MUSK: variants seen among roughly 807,000 people sequenced by gnomAD.
The protein encoded by MUSK is muscle associated receptor tyrosine kinase, also known as muscle, skeletal receptor tyrosine-protein kinase.
In MUSK, 55 loss-of-function variants were observed where a neutral mutation model predicts 88.7. That is an observed-to-expected ratio of 0.62 (90% CI 0.50 to 0.78). The LOEUF (loss-of-function observed/expected upper bound fraction) is 0.78. MUSK is among the 30% of genes least tolerant of loss of function. The pLI is 0.00. For synonymous variants in MUSK, 387 were observed against 391.9 expected (o/e 0.99, Z 0.15); for missense variants, 1,015 against 1,074.3 (o/e 0.94, Z 0.77).
chr9:110,697,251 G>T, intron 4 of MUSK, 74 bp from the exon 5 acceptor site: 1 of 1,489,070 alleles, frequency 6.7e-7, no homozygotes, highest in Non-Finnish European at 9.3e-7. Flanking sequence ...ATGACAATAA[G>T]TTGATGATAT....
intron 14 of MUSK, chr9:110,788,203 T>A (rs2077907742): frequency 5.0e-6 from 1 of 200,578 alleles, no homozygotes; most frequent in Non-Finnish European, 1.0e-5. Context: ...CTAACTAGAA[T>A]GTCATGAGCA....
intron 7 of MUSK, among the ~76,000 whole-genome samples, chr9:110,757,381 C>A (rs1260015365): frequency 6.6e-6 from 1 of 151,262 alleles, no homozygotes; most frequent in African/African-American, 2.4e-5. Flanking sequence ...ATCGCTTGAA[C>A]CTGGGAGGCA....
intron 5 of MUSK, among the ~76,000 whole-genome samples, chr9:110,731,027 T>C (rs1587966271): frequency 6.6e-6 from 1 of 152,018 alleles, no homozygotes; most frequent in Admixed American, 6.6e-5. Flanking sequence ...CAGAATAGGA[T>C]TGAGATACAC....
rs536529195 is a variant in MUSK at position 110,776,660 on chromosome 9, G to A, written c.1384+5G>A. On this transcript the variant is annotated splice_donor_5th_base_variant and intron_variant, in intron 11 of 14. Coordinates refer to ENST00000374448, the MANE Select transcript of MUSK (RefSeq NM_005592.4). ...ATAACAAAGAAAACCTAAAAAGTAAGTAATTGTGTTTGTGCCCTTGAAACC... is the reference window on the plus strand; with the variant it reads ...ATAACAAAGAAAACCTAAAAAGTAAATAATTGTGTTTGTGCCCTTGAAACC... 5.6e-6 allele frequency: 9 copies of A among 1,595,616 alleles called. No individual in the cohort carries two copies. Among genetic ancestry groups the A allele is most frequent in the African/African-American group, 2.7e-5 (2 of 74,278 alleles).
At position 110,694,637 on chromosome 9, in the gene MUSK, C is replaced by T. The variant is rs114647912; in HGVS notation, c.359-766C>T. ...GCGAAGTCCCCCTCTGTATCTGTAA[C>T]GTAAAATTCCTAAGGACATAAATGT... On this transcript the variant is annotated intron_variant, in intron 3 of 14. Coordinates refer to ENST00000374448, the MANE Select transcript of MUSK (RefSeq NM_005592.4). Among the ~76,000 whole-genome samples the T allele has an allele frequency of 9.0e-3, 1,373 of 152,170 alleles. 22 individuals are homozygous for T. Among genetic ancestry groups the T allele is most frequent in the African/African-American group, 0.032 (1,312 of 41,534 alleles).
At chr9:110,770,736 G>T (rs2077561425) in intron 9 of MUSK, among the ~76,000 whole-genome samples, 2 of 118,868 alleles carry the variant, frequency 1.7e-5, no homozygotes, top group Middle Eastern at 4.8e-3. Flanking sequence ...AAAATTTGAT[G>T]ATTTCTTTCT....
chr9:110,677,286 T>A (rs73536272), intron 1 of MUSK, among the ~76,000 whole-genome samples: 3,461 of 152,326 alleles, frequency 0.023, 131 homozygotes, highest in African/African-American at 0.079. Context: ...AGTTTCCACT[T>A]CCTTATCACA....
chr9:110,703,172 A>T (rs2076553941), intron 5 of MUSK, among the ~76,000 whole-genome samples: 1 of 152,166 alleles, frequency 6.6e-6, no homozygotes, highest in Non-Finnish European at 1.5e-5. Flanking sequence ...TTAACCACAT[A>T]ACATCATAGA....
chr9:110,685,421 T>C (rs1032814267), intron 2 of MUSK, among the ~76,000 whole-genome samples: 1 of 152,124 alleles, frequency 6.6e-6, no homozygotes, highest in Non-Finnish European at 1.5e-5. Context: ...TGGTTCCTTT[T>C]TTGCTTAGCA....
intron 5 of MUSK, among the ~76,000 whole-genome samples, chr9:110,707,037 A>AAG (rs139192477): frequency 0.38 from 56,465 of 148,094 alleles, 10,952 homozygotes; most frequent in Non-Finnish European, 0.43. Flanking sequence ...GAAACAAATA[A>AAG]AGAGAGAGAG....
rs1261248397 is a variant in MUSK, at chr9:110,672,064, A to G, written c.79+3081A>G. ...CACAGCTGTCATTGAAATCCAGGAC[A>G]CACAGTCCTGGATGAATATTTTATA... On this transcript the variant is annotated intron_variant, in intron 1 of 14. Transcript: ENST00000374448. Among the ~76,000 whole-genome samples, 4 of 152,228 alleles carry G rather than the reference A, an allele frequency of 2.6e-5. No homozygotes were observed. In the East Asian group the frequency reaches 5.8e-4, roughly 22 times the overall value.
chr9:110,761,898 G>T, intron 7 of MUSK: 4 of 985,262 alleles, frequency 4.1e-6, no homozygotes, highest in Non-Finnish European at 4.8e-6. Context: ...TTAATGTAAA[G>T]TCCCTGGGTA....
chr9:110,791,131 C>T (rs1393544185), intron 14 of MUSK, among the ~76,000 whole-genome samples: 1 of 152,020 alleles, frequency 6.6e-6, no homozygotes, highest in Admixed American at 6.5e-5. Flanking sequence ...ATAGGAACAG[C>T]TCCGGTCTAC....
chr9:110,675,030 T>TCCATGTGGA (rs893978801), intron 1 of MUSK, among the ~76,000 whole-genome samples: 7 of 152,148 alleles, frequency 4.6e-5, no homozygotes. Flanking sequence ...TGCACAGTGC[T>TCCATGTGGA]CCATGTGGAC....
intron 8 of MUSK, among the ~76,000 whole-genome samples, chr9:110,762,726 C>G (rs1428114167): frequency 6.6e-6 from 1 of 152,148 alleles, no homozygotes; most frequent in African/African-American, 2.4e-5. Flanking sequence ...TGCAATATAA[C>G]CTTTTGCAAC....
At chr9:110,686,852 A>G (rs182019182) in intron 2 of MUSK, among the ~76,000 whole-genome samples, 1 of 152,304 alleles carries the variant, frequency 6.6e-6, no homozygotes, top group East Asian at 1.9e-4. Flanking sequence ...AGTAAACTTT[A>G]CATTTTGTCT....
At chr9:110,692,379 C>T (rs188761445) in intron 3 of MUSK, among the ~76,000 whole-genome samples, 1 of 152,038 alleles carries the variant, frequency 6.6e-6, no homozygotes, top group East Asian at 1.9e-4. Context: ...CAGTGTGTTG[C>T]ACATACTGAG....
At chr9:110,750,999 A>G (rs989906221) in intron 7 of MUSK, among the ~76,000 whole-genome samples, 9 of 152,040 alleles carry the variant, frequency 5.9e-5, no homozygotes, top group Non-Finnish European at 1.0e-4. Flanking sequence ...ATCTCCCCCA[A>G]CCTTCAGTGC....
chr9:110,736,030 A>T lies in MUSK; in HGVS notation c.753+1655A>T, dbSNP rs531699117. Among the ~76,000 whole-genome samples, 4 of 152,252 alleles carry T rather than the reference A, an allele frequency of 2.6e-5. No individual in the cohort carries two copies. The South Asian group carries it at 6.2e-4, about 24-fold the overall frequency. ...GACTTGAGATTTGGTGGGGACACAG[A>T]TCTAAACCATAGCAATAGCACAACA... On this transcript the variant is annotated intron_variant, in intron 6 of 14. Transcript: ENST00000374448.
Sources: gnomAD v4.1 joint callset for allele counts (sites outside exome capture counted in the v4.1 genomes callset) on GRCh38, gnomAD v4.1.1 for gene constraint, MANE v1.5 for transcripts, NCBI Gene and HGNC (gene_info 2026-07-23, HGNC 2026-07-21) for gene names.